STXBP5L: variants seen among roughly 807,000 people sequenced by gnomAD.
STXBP5L encodes syntaxin binding protein 5L.
STXBP5L carries 65 observed loss-of-function variants against 144.5 expected under a neutral mutation model. The ratio of observed to expected loss-of-function variants is 0.45; its 90% confidence interval spans 0.37 to 0.55. STXBP5L has a LOEUF of 0.55. STXBP5L is among the 20% of genes least tolerant of loss of function. The probability of loss-of-function intolerance (pLI) is 0.00; values close to 1 mark genes in which losing one functional copy is unlikely to be tolerated. For missense variants in STXBP5L, 1,298 were observed against 1,405.5 expected, an observed-to-expected ratio of 0.92 and a Z score of 1.22; for synonymous variants, 505 against 469.6, an observed-to-expected ratio of 1.08 and a Z score of -0.97.
At chr3:120,940,320 G>A (rs1482869632) in intron 2 of STXBP5L, among the ~76,000 whole-genome samples, 1 of 151,374 alleles carries the variant, frequency 6.6e-6, no homozygotes, top group Non-Finnish European at 1.5e-5. Flanking sequence ...GAGAATTTAA[G>A]TGGAAGTACT....
In STXBP5L at chr3:121,422,988, G is replaced by A. The variant is rs1458583219; in HGVS notation, c.*3891G>A. The A allele has an allele frequency of 1.3e-5, 2 of 151,970 alleles. No homozygotes were observed. The highest frequency in any genetic ancestry group is 1.9e-4 in the East Asian group (1 of 5,166). 9.4% of individuals were successfully genotyped at this position (151,970 alleles called of 1,614,324 possible). A position where few individuals can be genotyped will look rare whatever the true frequency, so the allele number is the denominator to read the frequency against. On this transcript the variant is annotated 3_prime_UTR_variant, in exon 27 of 27. Transcript: ENST00000471454. ...TAGATTCTTATATTCAAGCAGAAGG[G>A]AAAAATGAAGCCAATCTAGAAAAGT... is the stretch of plus-strand genomic sequence containing the variant.
intron 5 of STXBP5L, among the ~76,000 whole-genome samples, chr3:121,083,461 AG>A (rs2042343610): frequency 6.6e-6 from 1 of 152,126 alleles, no homozygotes; most frequent in Non-Finnish European, 1.5e-5. Context: ...CACAAGTTCA[AG>A]ACCAGCCTGG....
intron 18 of STXBP5L, among the ~76,000 whole-genome samples, chr3:121,266,663 A>G (rs1577335068): frequency 6.6e-6 from 1 of 152,300 alleles, no homozygotes; most frequent in Non-Finnish European, 1.5e-5. Context: ...AGGGTATTCA[A>G]ATAAAAAGGG....
chr3:120,998,678 AC>A (rs1385260450), intron 3 of STXBP5L, among the ~76,000 whole-genome samples: 2 of 152,158 alleles, frequency 1.3e-5, no homozygotes, highest in Non-Finnish European at 2.9e-5. Flanking sequence ...GTTTTAAGAT[AC>A]AAAAATTGAT....
At chr3:121,296,088 T>G (rs960436665) in intron 19 of STXBP5L, among the ~76,000 whole-genome samples, 7 of 152,296 alleles carry the variant, frequency 4.6e-5, no homozygotes, top group African/African-American at 1.7e-4. Flanking sequence ...ACCATAAAAG[T>G]TCTGTATCTG....
intron 9 of STXBP5L, among the ~76,000 whole-genome samples, chr3:121,184,011 G>A (rs1381522784): frequency 6.6e-6 from 1 of 151,958 alleles, no homozygotes; most frequent in Non-Finnish European, 1.5e-5. Context: ...GAAAGGAATA[G>A]CATCGACACC....
At chr3:121,392,770 CATATATATATAT>C (rs71133531) in intron 22 of STXBP5L, among the ~76,000 whole-genome samples, 4,776 of 112,344 alleles carry the variant, frequency 0.043, 145 homozygotes, top group Middle Eastern at 0.074. Context: ...TATTTCATGG[CATATATATATAT>C]ATATATATAT....
intron 18 of STXBP5L, among the ~76,000 whole-genome samples, chr3:121,260,233 G>C (rs1341166329): frequency 6.6e-6 from 1 of 151,928 alleles, no homozygotes; most frequent in Non-Finnish European, 1.5e-5. Flanking sequence ...GTGACATTCT[G>C]TTTCTATTCT....
At chr3:121,247,815 T>C (rs2049905681) in intron 14 of STXBP5L, among the ~76,000 whole-genome samples, 1 of 152,224 alleles carries the variant, frequency 6.6e-6, no homozygotes, top group Non-Finnish European at 1.5e-5. Context: ...ATGATTTATA[T>C]TGCTTTGGTT....
intron 3 of STXBP5L, among the ~76,000 whole-genome samples, chr3:120,983,627 G>T (rs910402097): frequency 6.6e-6 from 1 of 152,068 alleles, no homozygotes; most frequent in Non-Finnish European, 1.5e-5. Context: ...TTTTATCCTG[G>T]AGGCCTGGGA....
intron 3 of STXBP5L, among the ~76,000 whole-genome samples, chr3:120,991,320 G>A (rs1441021608): frequency 1.3e-5 from 2 of 151,558 alleles, no homozygotes; most frequent in Non-Finnish European, 3.0e-5. Flanking sequence ...TCATTAAAAA[G>A]TCAGGAAACA....
rs1283660460 is a variant in STXBP5L, at chr3:121,118,978, G to C, written c.606-2663G>C. ...GAGGTGGGATATATATGGATCTGAA[G>C]GTAATGAGAGAGATCAGAATTTACT... On this transcript the variant is annotated intron_variant, in intron 6 of 26. Transcript: ENST00000471454. 1.7e-4 allele frequency among the ~76,000 whole-genome samples: 26 copies of C among 151,430 alleles called. 1 individual carries two copies. In the Admixed American group the frequency reaches 1.7e-3, roughly 10 times the overall value.
chr3:121,103,420 A>G (rs1044531536), intron 5 of STXBP5L, among the ~76,000 whole-genome samples: 1 of 152,172 alleles, frequency 6.6e-6, no homozygotes, highest in African/African-American at 2.4e-5. Context: ...CATTATCTTA[A>G]GAAAATTTAC....
At chr3:121,187,582 A>G (rs951185144) in intron 9 of STXBP5L, among the ~76,000 whole-genome samples, 16 of 138,492 alleles carry the variant, frequency 1.2e-4, no homozygotes, top group Non-Finnish European at 2.0e-4. Flanking sequence ...GAAAAATAGA[A>G]AAAAGAACCA....
chr3:121,174,279 G>A (rs1325041018), intron 9 of STXBP5L, among the ~76,000 whole-genome samples: 2 of 151,948 alleles, frequency 1.3e-5, no homozygotes, highest in Non-Finnish European at 2.9e-5. Context: ...TGATAGATTT[G>A]TATATATTTT....
intron 9 of STXBP5L, among the ~76,000 whole-genome samples, chr3:121,184,289 A>G (rs901316575): frequency 2.1e-5 from 3 of 140,788 alleles, no homozygotes; most frequent in African/African-American, 8.0e-5. Context: ...GCATGTTCTA[A>G]CCCAATGTAA....
At chr3:121,118,906 A>G (rs1010957930) in intron 6 of STXBP5L, among the ~76,000 whole-genome samples, 1 of 151,486 alleles carries the variant, frequency 6.6e-6, no homozygotes, top group Non-Finnish European at 1.5e-5. Flanking sequence ...ATTGAATTGT[A>G]TGTGTTTATA....
At chr3:121,028,274 AAAT>A (rs560013225) in intron 3 of STXBP5L, among the ~76,000 whole-genome samples, 104 of 152,188 alleles carry the variant, frequency 6.8e-4, no homozygotes, top group South Asian at 2.9e-3. Flanking sequence ...TAATAAATAG[AAAT>A]AATAACTTTT....
chr3:121,278,150 C>T (rs2108435966), intron 18 of STXBP5L, among the ~76,000 whole-genome samples: 1 of 152,032 alleles, frequency 6.6e-6, no homozygotes, highest in East Asian at 1.9e-4. Context: ...GTTTCCTGTG[C>T]CCAAGCCTGG....
Sources: allele counts gnomAD v4.1 joint callset (sites outside exome capture counted in the v4.1 genomes callset), GRCh38; gene constraint gnomAD v4.1.1; transcripts MANE v1.5; gene names NCBI Gene and HGNC (gene_info 2026-07-23, HGNC 2026-07-21).